FUT8: variants seen among roughly 807,000 people sequenced by gnomAD.
The protein encoded by FUT8 is alpha-(1,6)-fucosyltransferase.
FUT8 carries 29 observed loss-of-function variants against 71.3 expected under a neutral mutation model. That is an observed-to-expected ratio of 0.41 (90% CI 0.30 to 0.55). The LOEUF (loss-of-function observed/expected upper bound fraction) is 0.55. Ranked by LOEUF, FUT8 falls within the 20% of genes least tolerant of loss-of-function variation. The pLI is 0.34. For synonymous variants in FUT8, 254 were observed against 239.3 expected, an observed-to-expected ratio of 1.06 and a Z score of -0.57; for missense variants, 544 against 702.1, an observed-to-expected ratio of 0.77 and a Z score of 2.55.
intron 3 of FUT8, among the ~76,000 whole-genome samples, chr14:65,569,134 AC>A (rs1180214121): frequency 6.6e-6 from 1 of 150,474 alleles, no homozygotes. Context: ...GGCTGAGTTT[AC>A]TTTTTTTTTT....
At chr14:65,668,882 A>G (rs1175420185) in intron 6 of FUT8, among the ~76,000 whole-genome samples, 3 of 152,220 alleles carry the variant, frequency 2.0e-5, no homozygotes, top group Non-Finnish European at 2.9e-5. Context: ...CTTTGCAGCA[A>G]CATGGATGGA....
intron 3 of FUT8, among the ~76,000 whole-genome samples, chr14:65,593,159 C>T (rs1213347089): frequency 6.6e-6 from 1 of 152,152 alleles, no homozygotes; most frequent in East Asian, 1.9e-4. Flanking sequence ...TTGATTTTAC[C>T]TTATTTTCTG....
At chr14:65,520,082 C>A (rs117681120) in intron 2 of FUT8, among the ~76,000 whole-genome samples, 1,848 of 152,268 alleles carry the variant, frequency 0.012, 15 homozygotes, top group South Asian at 0.024. Context: ...CCCAGCCTAC[C>A]TTTAACATTT....
rs954030609 is a variant in FUT8 at position 65,436,074 on chromosome 14, G to C, written c.-325-19547G>C. 3.3e-4 allele frequency among the ~76,000 whole-genome samples: 50 copies of C among 152,038 alleles called. 1 individual carries two copies. Among genetic ancestry groups the C allele is most frequent in the Middle Eastern group, 3.4e-3 (1 of 294 alleles). ...GTCTCCCGAGAAGCTGGGACCACAG[G>C]TGTGTGCCACCATGTCTGGCTAGTT... On this transcript the variant is annotated intron_variant, in intron 1 of 10. Coordinates refer to ENST00000673929, the MANE Select transcript of FUT8 (RefSeq NM_001371533.1).
intron 2 of FUT8, among the ~76,000 whole-genome samples, chr14:65,478,498 AT>A (rs929211715): frequency 3.3e-5 from 5 of 151,514 alleles, no homozygotes; most frequent in Non-Finnish European, 5.9e-5. Flanking sequence ...CTTAAGTGTG[AT>A]TTTTTTTTCT....
intron 1 of FUT8, among the ~76,000 whole-genome samples, chr14:65,436,416 G>A (rs1333802827): frequency 6.6e-6 from 1 of 152,000 alleles, no homozygotes; most frequent in African/African-American, 2.4e-5. Flanking sequence ...AGATCACGAG[G>A]TCAGGAGATC....
chr14:65,643,116 A>C lies in FUT8; in HGVS notation c.597+13510A>C, dbSNP rs1566870611. ...TACCAAAGTCCAAATTTCAGCTTTT[A>C]GGTTTTCTTAGCAAGAGTTTTAAAA... is the stretch of plus-strand genomic sequence containing the variant. On this transcript the variant is annotated intron_variant, in intron 6 of 10. Coordinates refer to ENST00000673929, the MANE Select transcript of FUT8 (RefSeq NM_001371533.1). This position sits in a 1 kb window ranked among gnomAD's most constrained non-coding sequence, Gnocchi z 4.5. Among the ~76,000 whole-genome samples the C allele has an allele frequency of 6.6e-6, 1 of 152,206 alleles. No homozygotes were observed. The highest frequency in any genetic ancestry group is 6.5e-5 in the Admixed American group (1 of 15,280).
chr14:65,461,106 T>G (rs1423128768), intron 2 of FUT8, among the ~76,000 whole-genome samples: 1 of 152,164 alleles, frequency 6.6e-6, no homozygotes, highest in African/African-American at 2.4e-5. Context: ...GTTAGCAGTC[T>G]GAAATCAAGG....
At chr14:65,710,554 G>A (rs1022355584) in intron 7 of FUT8, among the ~76,000 whole-genome samples, 12 of 151,934 alleles carry the variant, frequency 7.9e-5, no homozygotes, top group South Asian at 4.1e-4. Flanking sequence ...AGACAGTAGC[G>A]TGTATCTTTT....
At position 65,669,577 on chromosome 14, in the gene FUT8, T is replaced by C; in HGVS notation, c.835+97T>C. ...TAGACCTTCATGGAACATACTTATC[T>C]TTTCCTCTGGATCCATGAATACTAT... On this transcript the variant is annotated intron_variant, in intron 7 of 10. Transcript: ENST00000673929. The surrounding 1 kb of genome is among the most constrained non-coding windows in gnomAD (Gnocchi z 4.5). 1.3e-6 allele frequency: 1 copy of C among 791,236 alleles called. No homozygotes were observed. The highest frequency in any genetic ancestry group is 2.1e-6 in the Non-Finnish European group (1 of 467,822). The allele number at this position is 791,236 out of a possible 1,614,324, so 49.0% of individuals were successfully genotyped here.
intron 1 of FUT8, among the ~76,000 whole-genome samples, chr14:65,445,192 C>T (rs147179524): frequency 1.7e-3 from 252 of 152,052 alleles, no homozygotes; most frequent in Middle Eastern, 6.8e-3. Flanking sequence ...GGAGACAGAG[C>T]GAAACTCTGT....
chr14:65,590,037 A>G (rs1457514232), intron 3 of FUT8, among the ~76,000 whole-genome samples: 5 of 152,112 alleles, frequency 3.3e-5, no homozygotes, highest in African/African-American at 1.2e-4. Flanking sequence ...TATCCTCCCT[A>G]TCTTAGGGGA....
At chr14:65,592,231 T>G (rs1359162526) in intron 3 of FUT8, among the ~76,000 whole-genome samples, 1 of 152,122 alleles carries the variant, frequency 6.6e-6, no homozygotes, top group Non-Finnish European at 1.5e-5. Flanking sequence ...GTAAAGTAGT[T>G]CATGAAAAAA....
chr14:65,490,456 T>G (rs2066466321), intron 2 of FUT8, among the ~76,000 whole-genome samples: 1 of 152,134 alleles, frequency 6.6e-6, no homozygotes, highest in South Asian at 2.1e-4. Flanking sequence ...CTCAAACTAC[T>G]GAGAAGGGTA....
At chr14:65,616,625 G>A (rs1889298284) in intron 5 of FUT8, among the ~76,000 whole-genome samples, 1 of 152,094 alleles carries the variant, frequency 6.6e-6, no homozygotes, top group South Asian at 2.1e-4. Flanking sequence ...AATTCTGAAG[G>A]TAGTGGTGCC....
chr14:65,597,229 GT>G (rs1310410358), intron 3 of FUT8, among the ~76,000 whole-genome samples: 3 of 152,162 alleles, frequency 2.0e-5, no homozygotes, highest in Non-Finnish European at 1.5e-5. Context: ...AAAAACTATA[GT>G]TTAAATCTCT....
intron 3 of FUT8, among the ~76,000 whole-genome samples, chr14:65,571,258 T>G (rs1388021290): frequency 6.6e-6 from 1 of 152,124 alleles, no homozygotes; most frequent in African/African-American, 2.4e-5. Context: ...AGGTTGAACT[T>G]GATGTGCTTG....
At chr14:65,562,336 G>A (rs1300425180) in intron 3 of FUT8, among the ~76,000 whole-genome samples, 1 of 152,074 alleles carries the variant, frequency 6.6e-6, no homozygotes, top group Admixed American at 6.6e-5. Flanking sequence ...GGGAGGCTGA[G>A]TTAGTCTAAC....
intron 3 of FUT8, among the ~76,000 whole-genome samples, chr14:65,593,474 T>C (rs2140146560): frequency 6.6e-6 from 1 of 152,354 alleles, no homozygotes; most frequent in South Asian, 2.1e-4. Flanking sequence ...AGATTAATAT[T>C]GTCTGTAGAA....
Sources: gnomAD v4.1 joint callset for allele counts (sites outside exome capture counted in the v4.1 genomes callset) on GRCh38, gnomAD v4.1.1 for gene constraint, Gnocchi (gnomAD v3.1) non-coding constraint, MANE v1.5 for transcripts, NCBI Gene and HGNC (gene_info 2026-07-23, HGNC 2026-07-21) for gene names.